LOXHD1: variants seen among roughly 807,000 people sequenced by gnomAD.
LOXHD1 encodes the protein lipoxygenase homology PLAT domains 1, also known as lipoxygenase homology domain-containing protein 1.
A neutral mutation model predicts 248.2 loss-of-function variants in LOXHD1; 205 were observed. The observed-to-expected ratio is 0.83, with a 90% CI of 0.74 to 0.93. The LOEUF (loss-of-function observed/expected upper bound fraction) is 0.93, where lower values mean the gene tolerates loss of function less well. Ranked by LOEUF, LOXHD1 falls within the 40% of genes least tolerant of loss-of-function variation. The pLI is 0.00. For missense variants in LOXHD1, 2,930 were observed against 2,971.6 expected (o/e 0.99, Z 0.33); for synonymous variants, 1,113 against 1,162.8 (o/e 0.96, Z 0.87).
At chr18:46,555,062 T>C (rs970463920) in intron 21 of LOXHD1, 2 of 468,022 alleles carry the variant, frequency 4.3e-6, no homozygotes, top group South Asian at 1.6e-5. Flanking sequence ...TGTAAAGCTA[T>C]AATAATGTTT....
In LOXHD1 at chr18:46,649,228, C is replaced by G; in HGVS notation, c.172G>C (p.Gly58Arg). 6.4e-7 allele frequency: 1 copy of G among 1,551,900 alleles called. No homozygotes were observed. The change falls in exon 2 of 41, where the codon GGG becomes CGG. Residue 58 changes from glycine (G) to arginine (R), a missense_variant. Gly to Arg is a moderately radical substitution (Grantham distance 125). Coordinates refer to ENST00000642948, the MANE Select transcript of LOXHD1 (RefSeq NM_001384474.1). Reference sequence around the variant, plus strand: ...GTGATGAAGACATTGGCATCCGTCCCTGCACCGCGAACATCCCCCGTGGCT... The same window carrying G: ...GTGATGAAGACATTGGCATCCGTCCGTGCACCGCGAACATCCCCCGTGGCT... ...VTATGDVRGA[G>R]TDANVFITLF...
At chr18:46,485,369 C>T (rs1437646827) in intron 38 of LOXHD1, among the ~76,000 whole-genome samples, 1 of 152,016 alleles carries the variant, frequency 6.6e-6, no homozygotes, top group Non-Finnish European at 1.5e-5. Context: ...TTTATAGTAG[C>T]AACCTCTTTG....
In LOXHD1 at chr18:46,522,143, G is replaced by A; in HGVS notation, c.5043C>T (p.Phe1681=). ...RGFSRGSVEE[F]YVAGLDVGII... ...TGCCCACATCCAAGCCTGCGACGTA[G>A]AACTCCTCCACAGAGCCACGGCTGA... The change falls in exon 32 of 41, where the codon TTC becomes TTT. Residue 1681 remains phenylalanine (F), a synonymous_variant. Coordinates refer to ENST00000642948, the MANE Select transcript of LOXHD1 (RefSeq NM_001384474.1). 6.4e-7 allele frequency: 1 copy of A among 1,551,508 alleles called. No individual in the cohort carries two copies. Among genetic ancestry groups the A allele is most frequent in the Non-Finnish European group, 8.7e-7 (1 of 1,146,958 alleles).
At chr18:46,624,510 A>G (rs1028320490) in intron 4 of LOXHD1, among the ~76,000 whole-genome samples, 1 of 152,168 alleles carries the variant, frequency 6.6e-6, no homozygotes, top group Admixed American at 6.5e-5. Context: ...ATTCCCTCCC[A>G]GTCATGTAGA....
intron 24 of LOXHD1, among the ~76,000 whole-genome samples, chr18:46,542,400 C>T (rs970602077): frequency 3.9e-5 from 6 of 152,182 alleles, no homozygotes; most frequent in African/African-American, 1.2e-4. Flanking sequence ...TAATAACCCC[C>T]CAGGTGATCC....
At chr18:46,503,967 G>A (rs142051138) in intron 37 of LOXHD1, among the ~76,000 whole-genome samples, 1 of 152,256 alleles carries the variant, frequency 6.6e-6, no homozygotes, top group African/African-American at 2.4e-5. Flanking sequence ...GGTGATGGCT[G>A]GTTTGGGTGT....
At chr18:46,597,975 GC>G (rs965469805) in intron 8 of LOXHD1, among the ~76,000 whole-genome samples, 3 of 149,384 alleles carry the variant, frequency 2.0e-5, no homozygotes, top group Non-Finnish European at 3.0e-5. Context: ...CACCATGTTA[GC>G]CAGGCTGGTC....
At chr18:46,550,126 T>A (rs76760308) in intron 21 of LOXHD1, among the ~76,000 whole-genome samples, 13,727 of 152,232 alleles carry the variant, frequency 0.09, 796 homozygotes, top group Non-Finnish European at 0.13. Flanking sequence ...ATACCCTAAT[T>A]AAAGACAACG....
At chr18:46,588,374 C>A (rs1184248967) in intron 12 of LOXHD1, among the ~76,000 whole-genome samples, 6 of 152,142 alleles carry the variant, frequency 3.9e-5, no homozygotes, top group African/African-American at 9.7e-5. Context: ...CATACTATCA[C>A]CAGAATTATT....
intron 6 of LOXHD1, 53 bp downstream of exon 6, chr18:46,610,723 A>C (rs780833877): frequency 2.7e-6 from 4 of 1,497,940 alleles, no homozygotes; most frequent in Non-Finnish European, 2.7e-6. Context: ...CTGAAGAACA[A>C]GAAGGCCCCC....
At chr18:46,579,910 C>T in intron 12 of LOXHD1, 126 bp from the exon 13 acceptor site, 1 of 1,138,208 alleles carries the variant, frequency 8.8e-7, no homozygotes, top group Non-Finnish European at 1.2e-6. Flanking sequence ...TGACCTTCCC[C>T]CTTCCTCCCA....
In LOXHD1 at chr18:46,563,166, G is replaced by A. The variant is rs188119157; in HGVS notation, c.2497C>T (p.Arg833Ter). The A allele has an allele frequency of 4.5e-5, 69 of 1,530,914 alleles. No homozygotes were observed. The highest frequency in any genetic ancestry group is 5.6e-5 in the Non-Finnish European group (63 of 1,129,830). 94.8% of individuals were successfully genotyped at this position (1,530,914 alleles called of 1,614,324 possible). A position where few individuals can be genotyped will look rare whatever the true frequency, so the allele number is the denominator to read the frequency against. The stretch of plus-strand genomic sequence containing the variant: ...TCTCCATAGATCTGCATGTAGACTC[G>A]GGCACTGGTGCCTGCGCCACCCACA... ...GDVGGAGTSA[R>*]VYMQIYGEKG... The change falls in exon 18 of 41, where the codon CGA (arginine) becomes TGA (stop). Residue 833 changes from arginine (R) to a stop codon, truncating the protein, a stop_gained. Coordinates refer to ENST00000642948, the MANE Select transcript of LOXHD1 (RefSeq NM_001384474.1). LOFTEE classifies it high-confidence loss of function.
At chr18:46,609,807 A>G (rs2038477298) in intron 6 of LOXHD1, among the ~76,000 whole-genome samples, 1 of 152,240 alleles carries the variant, frequency 6.6e-6, no homozygotes, top group South Asian at 2.1e-4. Context: ...CAAGTTTACT[A>G]GAAGGGATTA....
intron 28 of LOXHD1, among the ~76,000 whole-genome samples, chr18:46,530,211 C>T (rs2036001686): frequency 6.6e-6 from 1 of 152,026 alleles, no homozygotes; most frequent in Admixed American, 6.5e-5. Context: ...GAAATGGAAG[C>T]TGAAAGGCAG....
chr18:46,503,647 G>C (rs543668724), intron 37 of LOXHD1, among the ~76,000 whole-genome samples: 87 of 152,316 alleles, frequency 5.7e-4, no homozygotes, highest in African/African-American at 2.0e-3. Flanking sequence ...TTAGGAAAGA[G>C]GAGAGGTGCA....
At chr18:46,499,993 T>C (rs1333295303) in intron 37 of LOXHD1, among the ~76,000 whole-genome samples, 1 of 152,100 alleles carries the variant, frequency 6.6e-6, no homozygotes, top group Non-Finnish European at 1.5e-5. Context: ...CAGTGAACAA[T>C]CTTCAGCATT....
chr18:46,558,699 A>C (rs2037436402), intron 20 of LOXHD1, among the ~76,000 whole-genome samples: 1 of 152,188 alleles, frequency 6.6e-6, no homozygotes, highest in Admixed American at 6.5e-5. Flanking sequence ...GGGTGAGATA[A>C]GAGATAGTTT....
At chr18:46,625,276 C>T (rs1457745310) in intron 4 of LOXHD1, among the ~76,000 whole-genome samples, 2 of 152,208 alleles carry the variant, frequency 1.3e-5, no homozygotes, top group African/African-American at 4.8e-5. Context: ...AACTAACGTG[C>T]TCAAACACAG....
chr18:46,545,905 A>T (rs926085343), intron 22 of LOXHD1, among the ~76,000 whole-genome samples: 3 of 150,870 alleles, frequency 2.0e-5, no homozygotes, highest in Admixed American at 2.0e-4. Flanking sequence ...CTGGGATTAC[A>T]GGCGTGAGCC....
Sources: allele counts gnomAD v4.1 joint callset (sites outside exome capture counted in the v4.1 genomes callset), GRCh38; gene constraint gnomAD v4.1.1; transcripts MANE v1.5; gene names NCBI Gene and HGNC (gene_info 2026-07-23, HGNC 2026-07-21).